The following PAPPA2 variants were observed in gnomAD, a reference collection of about 807,000 sequenced individuals.
PAPPA2 encodes the protein pappalysin-2.
PAPPA2 carries 86 observed loss-of-function variants against 176.4 expected under a neutral mutation model. That is an observed-to-expected ratio of 0.49 (90% CI 0.41 to 0.58). The LOEUF is 0.58. PAPPA2 is among the 20% of genes least tolerant of loss of function. PAPPA2 has a pLI of 0.00. For missense variants in PAPPA2, 2,073 were observed against 2,256.9 expected (o/e 0.92, Z 1.65); for synonymous variants, 809 against 852.2 (o/e 0.95, Z 0.88).
At chr1:176,573,075 T>G (rs1336101659) in intron 2 of PAPPA2, among the ~76,000 whole-genome samples, 1 of 152,164 alleles carries the variant, frequency 6.6e-6, no homozygotes, top group Non-Finnish European at 1.5e-5. Flanking sequence ...GGAGAAGTGC[T>G]GAGGCATCCT....
chr1:176,618,749 T>C (rs1382573576), intron 3 of PAPPA2, among the ~76,000 whole-genome samples: 1 of 152,228 alleles, frequency 6.6e-6, no homozygotes, highest in Non-Finnish European at 1.5e-5. Flanking sequence ...TGTGAGGCAC[T>C]AGGATTAAAA....
chr1:176,726,050 G>T (rs542862219), intron 12 of PAPPA2, among the ~76,000 whole-genome samples: 1 of 152,184 alleles, frequency 6.6e-6, no homozygotes, highest in Non-Finnish European at 1.5e-5. Context: ...AAAGTGCTGG[G>T]ATTACAGGCG....
chr1:176,806,017 A>G (rs553338339), intron 21 of PAPPA2, among the ~76,000 whole-genome samples: 197 of 140,440 alleles, frequency 1.4e-3, no homozygotes, highest in African/African-American at 4.3e-3. Flanking sequence ...AAAAAAAAGG[A>G]AGCAATTCAA....
chr1:176,638,628 T>C (rs191421680), intron 3 of PAPPA2, among the ~76,000 whole-genome samples: 36 of 152,004 alleles, frequency 2.4e-4, no homozygotes, highest in African/African-American at 8.2e-4. Context: ...TGGCGCACTG[T>C]AGATGAACAG....
intron 1 of PAPPA2, among the ~76,000 whole-genome samples, chr1:176,514,862 T>C (rs1431961915): frequency 2.6e-5 from 4 of 152,162 alleles, no homozygotes; most frequent in Admixed American, 1.3e-4. Flanking sequence ...GTTTGCCCAT[T>C]CCAGACTGGC....
intron 14 of PAPPA2, among the ~76,000 whole-genome samples, chr1:176,756,937 T>C (rs1663454494): frequency 6.6e-6 from 1 of 152,204 alleles, no homozygotes; most frequent in Admixed American, 6.5e-5. Context: ...GACTCCCACT[T>C]ATGAGTGAGA....
chr1:176,689,558 A>G (rs1254649082), intron 4 of PAPPA2, among the ~76,000 whole-genome samples: 1 of 152,166 alleles, frequency 6.6e-6, no homozygotes, highest in Non-Finnish European at 1.5e-5. Flanking sequence ...ACACTGAAAA[A>G]CAAACAAACA....
At chr1:176,654,005 G>C (rs1405325575) in intron 3 of PAPPA2, among the ~76,000 whole-genome samples, 3 of 151,360 alleles carry the variant, frequency 2.0e-5, no homozygotes, top group Non-Finnish European at 4.4e-5. Context: ...TACTATTCCT[G>C]TTCACTCTGC....
At position 176,556,070 on chromosome 1, in the gene PAPPA2, G is replaced by T; in HGVS notation, c.-253G>T. 1 of 487,048 alleles carries T rather than the reference G, an allele frequency of 2.1e-6. No individual in the cohort carries two copies. Among genetic ancestry groups the T allele is most frequent in the Middle Eastern group, 5.3e-4 (1 of 1,880 alleles). 30.2% of individuals were successfully genotyped at this position (487,048 alleles called of 1,614,324 possible). ...TGCAAGGACTAAAGTACAGCAAGAG[G>T]AGAGAGGTCAAGCGAGAAGCGTGCG... On this transcript the variant is annotated 5_prime_UTR_variant, in exon 2 of 23. Coordinates refer to ENST00000367662, the MANE Select transcript of PAPPA2 (RefSeq NM_020318.3).
chr1:176,828,808 C>A (rs1666958767), intron 21 of PAPPA2, among the ~76,000 whole-genome samples: 1 of 151,798 alleles, frequency 6.6e-6, no homozygotes, highest in Admixed American at 6.6e-5. Context: ...TCGAGACCAG[C>A]CTGGCCAACA....
chr1:176,642,024 G>T (rs1657123267), intron 3 of PAPPA2, among the ~76,000 whole-genome samples: 1 of 151,904 alleles, frequency 6.6e-6, no homozygotes, highest in Admixed American at 6.6e-5. Context: ...GATAAAAATT[G>T]TGAAGCAGAA....
At chr1:176,756,869 G>A (rs555278762) in intron 14 of PAPPA2, among the ~76,000 whole-genome samples, 6 of 151,932 alleles carry the variant, frequency 3.9e-5, no homozygotes, top group East Asian at 1.9e-4. Flanking sequence ...CAGCCCCGCC[G>A]CCAAAAGGCC....
At chr1:176,511,436 G>A (rs1330968733) in intron 1 of PAPPA2, among the ~76,000 whole-genome samples, 2 of 152,168 alleles carry the variant, frequency 1.3e-5, no homozygotes, top group Non-Finnish European at 2.9e-5. Context: ...GGGAACAATT[G>A]AATACTTTCC....
At chr1:176,643,392 A>G (rs1657208519) in intron 3 of PAPPA2, among the ~76,000 whole-genome samples, 1 of 151,328 alleles carries the variant, frequency 6.6e-6, no homozygotes, top group Non-Finnish European at 1.5e-5. Context: ...CAAGCTACCT[A>G]TGATCTCTCT....
At chr1:176,623,791 C>CTTTCTTTCTTTCTTTA (rs1418946906) in intron 3 of PAPPA2, among the ~76,000 whole-genome samples, 1 of 107,904 alleles carries the variant, frequency 9.3e-6, no homozygotes, top group African/African-American at 3.6e-5. Context: ...TTCTTTCTTT[C>CTTTCTTTCTTTCTTTA]TTTCTTTCTT....
chr1:176,826,327 C>T (rs1382987111), intron 21 of PAPPA2, among the ~76,000 whole-genome samples: 3 of 152,198 alleles, frequency 2.0e-5, no homozygotes, highest in East Asian at 1.9e-4. Context: ...TGCCAATGAA[C>T]TCTGCTTAGC....
chr1:176,546,291 C>G (rs971666266), intron 1 of PAPPA2, among the ~76,000 whole-genome samples: 2 of 152,172 alleles, frequency 1.3e-5, no homozygotes, highest in Non-Finnish European at 2.9e-5. Context: ...TCACTGCACT[C>G]TCTTTACCTG....
intron 1 of PAPPA2, among the ~76,000 whole-genome samples, chr1:176,465,287 A>C (rs1651564181): frequency 6.6e-6 from 1 of 152,184 alleles, no homozygotes; most frequent in South Asian, 2.1e-4. Context: ...TGACTAGTTA[A>C]AAGTGTATGG....
At chr1:176,657,156 G>A (rs1229401569) in intron 3 of PAPPA2, among the ~76,000 whole-genome samples, 1 of 151,922 alleles carries the variant, frequency 6.6e-6, no homozygotes, top group East Asian at 1.9e-4. Context: ...GTGGACAAAA[G>A]CACCAGACCA....
Sources: allele counts gnomAD v4.1 joint callset (sites outside exome capture counted in the v4.1 genomes callset), GRCh38; gene constraint gnomAD v4.1.1; transcripts MANE v1.5; gene names NCBI Gene and HGNC (gene_info 2026-07-23, HGNC 2026-07-21).